The following RYR2 variants were observed in gnomAD, a reference collection of about 807,000 sequenced individuals.
RYR2 encodes the protein cardiac muscle ryanodine receptor-calcium release channel.
RYR2 carries 227 observed loss-of-function variants against 601.1 expected under a neutral mutation model. The observed-to-expected ratio is 0.38, with a 90% CI of 0.34 to 0.42. The LOEUF is 0.42. Ranked by LOEUF, RYR2 falls within the 10% of genes least tolerant of loss-of-function variation. The pLI is 1.00. For synonymous variants in RYR2, 2,223 were observed against 2,175.1 expected (o/e 1.02, Z -0.61); for missense variants, 4,646 against 6,156.5 (o/e 0.75, Z 8.21).
chr1:237,742,307 T>G lies in RYR2; in HGVS notation c.11103T>G (p.Asp3701Glu). The G allele has an allele frequency of 2.6e-6, 4 of 1,554,012 alleles. No homozygotes were observed. The highest frequency in any genetic ancestry group is 3.5e-6 in the Non-Finnish European group (4 of 1,145,070). Residue 3701 changes from aspartate to glutamate, a missense_variant, in exon 80 of 105, where the codon GAT becomes GAG. Physicochemically the swap from Asp to Glu is conservative, Grantham distance 45. Transcript: ENST00000366574. ...TTTTAAATATACAGAGTTGTCATGA[T>G]GAGGAAGATGACGATGGTGAAGAGG... ...YADIMAKSCH[D>E]EEDDDGEEEV...
chr1:237,451,879 A>G (rs1209690693), intron 14 of RYR2, among the ~76,000 whole-genome samples: 2 of 151,708 alleles, frequency 1.3e-5, no homozygotes, highest in Non-Finnish European at 2.9e-5. Context: ...AAGAAAGTCA[A>G]GATAGTTAAT....
intron 8 of RYR2, among the ~76,000 whole-genome samples, chr1:237,380,183 G>T (rs57820547): frequency 0.055 from 8,233 of 150,634 alleles, 568 homozygotes; most frequent in African/African-American, 0.15. Context: ...TGGATTCAAA[G>T]ACTTATTTGG....
chr1:237,167,181 C>G (rs1676800144), intron 1 of RYR2, among the ~76,000 whole-genome samples: 1 of 152,128 alleles, frequency 6.6e-6, no homozygotes, highest in East Asian at 1.9e-4. Flanking sequence ...CTGTTGGCAG[C>G]TTTAGGAGTC....
At chr1:237,205,851 A>G (rs917484390) in intron 1 of RYR2, among the ~76,000 whole-genome samples, 2 of 152,154 alleles carry the variant, frequency 1.3e-5, no homozygotes, top group African/African-American at 4.8e-5. Context: ...GAGTGCATGG[A>G]GGAGGACGCC....
chr1:237,052,148 A>G (rs929031375), intron 1 of RYR2, among the ~76,000 whole-genome samples: 4 of 152,202 alleles, frequency 2.6e-5, no homozygotes, highest in Non-Finnish European at 5.9e-5. Context: ...TATCTGTAGC[A>G]TTATACCAGG....
At chr1:237,213,105 C>G (rs1347943599) in intron 1 of RYR2, among the ~76,000 whole-genome samples, 1 of 151,480 alleles carries the variant, frequency 6.6e-6, no homozygotes, top group East Asian at 2.0e-4. Context: ...TTTTACTTGC[C>G]ATTCCAGTAG....
intron 8 of RYR2, among the ~76,000 whole-genome samples, chr1:237,382,165 CT>C (rs1701576547): frequency 6.6e-6 from 1 of 152,130 alleles, no homozygotes; most frequent in Non-Finnish European, 1.5e-5. Context: ...AGATTTCCAA[CT>C]GATTTTCTAC....
chr1:237,127,738 T>C (rs1302885066), intron 1 of RYR2, among the ~76,000 whole-genome samples: 1 of 144,462 alleles, frequency 6.9e-6, no homozygotes, highest in Non-Finnish European at 1.5e-5. Flanking sequence ...GCTCCTCACA[T>C]CCCAGACGGG....
intron 101 of RYR2, among the ~76,000 whole-genome samples, chr1:237,821,892 T>C (rs1662549493): frequency 6.6e-6 from 1 of 150,872 alleles, no homozygotes; most frequent in African/African-American, 2.4e-5. Context: ...TAAGTAGCAA[T>C]AGCCGAATCA....
intron 103 of RYR2, 85 bp from the exon 104 acceptor site, chr1:237,831,429 C>A (rs916041112): frequency 3.9e-6 from 3 of 764,466 alleles, no homozygotes; most frequent in African/African-American, 3.5e-5. Flanking sequence ...TAATTGATTG[C>A]AACCATACAA....
intron 10 of RYR2, among the ~76,000 whole-genome samples, chr1:237,405,229 A>AAGTT: frequency 6.6e-6 from 1 of 152,366 alleles, no homozygotes; most frequent in South Asian, 2.1e-4. Flanking sequence ...AGAGATGAGG[A>AAGTT]GCATCTAGCA....
At chr1:237,565,999 G>A (rs189891700) in intron 27 of RYR2, among the ~76,000 whole-genome samples, 4 of 152,266 alleles carry the variant, frequency 2.6e-5, no homozygotes, top group Non-Finnish European at 4.4e-5. Flanking sequence ...AGATGTATGC[G>A]AGAATGGAAA....
chr1:237,239,258 G>A (rs1685903539), intron 1 of RYR2, among the ~76,000 whole-genome samples: 1 of 152,052 alleles, frequency 6.6e-6, no homozygotes, highest in South Asian at 2.1e-4. Context: ...TCACACCAAG[G>A]CAATCAAAGA....
chr1:237,383,699 G>A (rs1195417722), intron 8 of RYR2, among the ~76,000 whole-genome samples: 6 of 151,928 alleles, frequency 3.9e-5, no homozygotes, highest in Non-Finnish European at 8.8e-5. Context: ...AAAGTGCTGG[G>A]ATTACAGGCG....
At chr1:237,551,614 C>G (rs1443996562) in intron 27 of RYR2, among the ~76,000 whole-genome samples, 1 of 151,480 alleles carries the variant, frequency 6.6e-6, no homozygotes, top group African/African-American at 2.4e-5. Flanking sequence ...AGTTTAATAC[C>G]CATTTTCAAA....
intron 62 of RYR2, among the ~76,000 whole-genome samples, chr1:237,685,688 T>C (rs1422438836): frequency 6.6e-6 from 1 of 152,218 alleles, no homozygotes; most frequent in Non-Finnish European, 1.5e-5. Flanking sequence ...CACACACAGC[T>C]GTCAGCCATA....
chr1:237,669,528 C>T (rs1394965743), intron 58 of RYR2, among the ~76,000 whole-genome samples: 113 of 151,072 alleles, frequency 7.5e-4, no homozygotes, highest in African/African-American at 1.4e-3. Flanking sequence ...ACCTCCCTCC[C>T]GCACGGGGCG....
In RYR2 at chr1:237,258,462, C is replaced by T. The variant is rs145191838; in HGVS notation, c.49-12035C>T. ...CTGGCATTCATTACTGTTTGCTTGA[C>T]AGTGCCACTTATCAAGATAAGGAAC... On this transcript the variant is annotated intron_variant, in intron 1 of 104. Transcript: ENST00000366574. Among the ~76,000 whole-genome samples, 515 of 152,186 alleles carry T rather than the reference C, an allele frequency of 3.4e-3. 1 individual carries two copies. Among genetic ancestry groups the T allele is most frequent in the African/African-American group, 0.012 (496 of 41,532 alleles).
intron 1 of RYR2, among the ~76,000 whole-genome samples, chr1:237,207,337 G>A (rs1017311372): frequency 1.3e-5 from 2 of 152,148 alleles, no homozygotes; most frequent in Non-Finnish European, 2.9e-5. Context: ...AGGTGGAGGT[G>A]GATGGATCAC....
Sources: allele counts gnomAD v4.1 joint callset (sites outside exome capture counted in the v4.1 genomes callset), GRCh38; gene constraint gnomAD v4.1.1; transcripts MANE v1.5; gene names NCBI Gene and HGNC (gene_info 2026-07-23, HGNC 2026-07-21).